The following MAP2 variants were observed in gnomAD, a reference collection of about 807,000 sequenced individuals.
MAP2 encodes microtubule-associated protein 2.
Under a neutral mutation model 137.6 loss-of-function variants are expected in MAP2, and 14 were observed. The ratio of observed to expected loss-of-function variants is 0.10; its 90% CI spans 0.07 to 0.16. MAP2 has a LOEUF of 0.16. MAP2 is among the 10% of genes least tolerant of loss of function. The probability of loss-of-function intolerance (pLI) is 1.00; values close to 1 mark genes in which losing one functional copy is unlikely to be tolerated. For missense variants in MAP2, 2,088 were observed against 2,191.5 expected (o/e 0.95, Z 0.94); for synonymous variants, 786 against 782.3 (o/e 1.00, Z -0.08).
chr2:209,682,112 T>C (rs539736067), intron 7 of MAP2, among the ~76,000 whole-genome samples: 2 of 152,180 alleles, frequency 1.3e-5, no homozygotes, highest in Non-Finnish European at 2.9e-5. Flanking sequence ...CTTATGTTTA[T>C]CCATTCACTG....
At position 209,540,504 on chromosome 2, in the gene MAP2, G is replaced by A. The variant is rs911824003; in HGVS notation, c.-172+32863G>A. On this transcript the variant is annotated intron_variant, in intron 2 of 15. Transcript: ENST00000682079. ...AAAATTGCCGAGCGTGGTGGCACGC[G>A]TCTGTAATCCCAGCTACTCAGGAGG... Among the ~76,000 whole-genome samples the A allele has an allele frequency of 1.1e-4, 16 of 143,386 alleles. 1 individual carries two copies. Among genetic ancestry groups the A allele is most frequent in the African/African-American group, 3.6e-4 (12 of 33,772 alleles). 94.1% of individuals were successfully genotyped at this position (143,386 alleles called of 152,430 possible).
rs755445079 is a variant in MAP2, at chr2:209,693,020, A to G, written c.850A>G (p.Ile284Val). Residue 284 changes from isoleucine to valine, a missense_variant, in exon 8 of 16, where the codon ATA (isoleucine) becomes GTA (valine). Coordinates refer to ENST00000682079, the MANE Select transcript of MAP2 (RefSeq NM_001375505.1). ...GGATGAGTGGGGTTTAGTTGCCCCC[A>G]TATCTCCTGGCCCTCTGACTCCCAT... ...KKDEWGLVAP[I>V]SPGPLTPMRE... The G allele has an allele frequency of 1.9e-6, 3 of 1,612,910 alleles. No homozygotes were observed. The highest frequency in any genetic ancestry group is 2.2e-5 in the East Asian group (1 of 44,862).
At chr2:209,508,582 TCCCACA>T (rs1158427035) in intron 2 of MAP2, among the ~76,000 whole-genome samples, 4 of 57,944 alleles carry the variant, frequency 6.9e-5, no homozygotes, top group Non-Finnish European at 1.1e-4. Flanking sequence ...ACTCTCTCTG[TCCCACA>T]CACACACACA....
intron 1 of MAP2, among the ~76,000 whole-genome samples, chr2:209,497,114 C>A (rs1310959351): frequency 6.6e-6 from 1 of 152,090 alleles, no homozygotes; most frequent in South Asian, 2.1e-4. Flanking sequence ...ACTGTAAATA[C>A]TGTTATGGAC....
chr2:209,680,015 G>A (rs2053844030), intron 6 of MAP2, among the ~76,000 whole-genome samples: 1 of 152,000 alleles, frequency 6.6e-6, no homozygotes, highest in South Asian at 2.1e-4. Flanking sequence ...GTCATATGAG[G>A]GGGATCACAA....
At chr2:209,457,953 G>A (rs1434248633) in intron 1 of MAP2, among the ~76,000 whole-genome samples, 1 of 152,108 alleles carries the variant, frequency 6.6e-6, no homozygotes, top group Admixed American at 6.5e-5. Flanking sequence ...TCCACAGTGT[G>A]TTTTTATCTT....
intron 2 of MAP2, among the ~76,000 whole-genome samples, chr2:209,524,367 G>T (rs2063719749): frequency 6.6e-6 from 1 of 151,202 alleles, no homozygotes; most frequent in Admixed American, 6.6e-5. Context: ...CCAGAGTCAG[G>T]GAGAGTTTTC....
chr2:209,647,158 T>C (rs573621941), intron 4 of MAP2, among the ~76,000 whole-genome samples: 1 of 152,158 alleles, frequency 6.6e-6, no homozygotes, highest in Non-Finnish European at 1.5e-5. Context: ...GAGAGCTCAC[T>C]ATCATGAGGA....
intron 7 of MAP2, 71 bp downstream of exon 7, chr2:209,680,898 T>A: frequency 7.5e-7 from 1 of 1,326,140 alleles, no homozygotes; most frequent in Non-Finnish European, 1.1e-6. Context: ...ATCAATAAGC[T>A]CTGGACTTTG....
At chr2:209,653,900 T>C (rs1256913240) in intron 5 of MAP2, among the ~76,000 whole-genome samples, 1 of 152,204 alleles carries the variant, frequency 6.6e-6, no homozygotes, top group Non-Finnish European at 1.5e-5. Context: ...ACATGCAAGG[T>C]GTTGTGTTAG....
chr2:209,647,537 T>G (rs1582015943), intron 4 of MAP2, among the ~76,000 whole-genome samples: 1 of 152,232 alleles, frequency 6.6e-6, no homozygotes, highest in Non-Finnish European at 1.5e-5. Context: ...AGTTTTATTA[T>G]GCTGATATAC....
At chr2:209,585,868 A>G (rs1305561873) in intron 3 of MAP2, among the ~76,000 whole-genome samples, 3 of 152,172 alleles carry the variant, frequency 2.0e-5, no homozygotes, top group Non-Finnish European at 2.9e-5. Flanking sequence ...CTTTCCTCCA[A>G]GGAGGATCTG....
chr2:209,614,644 A>G (rs1185558266), intron 3 of MAP2, among the ~76,000 whole-genome samples: 2 of 152,126 alleles, frequency 1.3e-5, no homozygotes, highest in Non-Finnish European at 2.9e-5. Flanking sequence ...ATTAAGAGAA[A>G]CTCACTTTTT....
intron 1 of MAP2, among the ~76,000 whole-genome samples, chr2:209,463,117 T>C (rs923411382): frequency 6.6e-6 from 1 of 152,098 alleles, no homozygotes; most frequent in Admixed American, 6.5e-5. Flanking sequence ...CATGTGGTTA[T>C]TGATAAATGT....
At chr2:209,666,502 C>G (rs1033983105) in intron 5 of MAP2, among the ~76,000 whole-genome samples, 3 of 152,044 alleles carry the variant, frequency 2.0e-5, no homozygotes, top group Non-Finnish European at 2.9e-5. Flanking sequence ...GTTGGAATAA[C>G]AGTAGTTCCC....
chr2:209,715,749 G>A (rs2067328327), intron 13 of MAP2, among the ~76,000 whole-genome samples: 2 of 152,216 alleles, frequency 1.3e-5, no homozygotes, highest in East Asian at 1.9e-4. Context: ...AGACCCTGAG[G>A]TAGAAGCAGG....
intron 2 of MAP2, among the ~76,000 whole-genome samples, chr2:209,520,285 T>TAATATATA (rs1310516908): frequency 6.6e-6 from 1 of 152,078 alleles, no homozygotes; most frequent in Non-Finnish European, 1.5e-5. Context: ...ATTAATTTCT[T>TAATATATA]AATATATATA....
At chr2:209,678,206 G>C (rs13409134) in intron 5 of MAP2, among the ~76,000 whole-genome samples, 37,349 of 151,882 alleles carry the variant, frequency 0.25, 7,845 homozygotes, top group African/African-American at 0.58. Flanking sequence ...GAGGTTAGGA[G>C]TTCAACATAT....
rs2076074243 is a variant in MAP2 at position 209,733,635 on chromosome 2, A to T, written c.*3238A>T. Reference sequence around the variant, plus strand: ...TTCTATTTTTCAAGCCACAATAAGGAAAATAAACTACTCATGGTCTAAATA... The same window carrying T: ...TTCTATTTTTCAAGCCACAATAAGGTAAATAAACTACTCATGGTCTAAATA... On this transcript the variant is annotated 3_prime_UTR_variant, in exon 16 of 16. Coordinates refer to ENST00000682079, the MANE Select transcript of MAP2 (RefSeq NM_001375505.1). The T allele has an allele frequency of 6.6e-6, 1 of 152,208 alleles. No homozygotes were observed. Among genetic ancestry groups the T allele is most frequent in the Non-Finnish European group, 1.5e-5 (1 of 68,042 alleles). 9.4% of individuals were successfully genotyped at this position (152,208 alleles called of 1,614,324 possible).
Sources: allele counts gnomAD v4.1 joint callset (sites outside exome capture counted in the v4.1 genomes callset), GRCh38; gene constraint gnomAD v4.1.1; transcripts MANE v1.5; gene names NCBI Gene and HGNC (gene_info 2026-07-23, HGNC 2026-07-21).